Variants in ZSWIM5 observed in about 807,000 individuals in gnomAD.
ZSWIM5 encodes the protein zinc finger SWIM-type containing 5.
Under a neutral mutation model 119.6 loss-of-function variants are expected in ZSWIM5, and 55 were observed. The observed-to-expected ratio is 0.46, with a 90% CI of 0.37 to 0.58. The LOEUF (loss-of-function observed/expected upper bound fraction) is 0.58. Among genes scored for constraint, ZSWIM5 ranks in the 20% least tolerant of loss-of-function variants. The pLI, the probability that ZSWIM5 is intolerant of heterozygous loss-of-function variation, is 0.00. For missense variants in ZSWIM5, 1,193 were observed against 1,512.8 expected (o/e 0.79, Z 3.51); for synonymous variants, 537 against 606.9 (o/e 0.88, Z 1.69).
chr1:45,094,023 ATATTTATTTATTTATTTATTTATTTATT>A (rs66921356), intron 1 of ZSWIM5, among the ~76,000 whole-genome samples: 2 of 134,372 alleles, frequency 1.5e-5, no homozygotes, highest in South Asian at 2.5e-4. Context: ...TTTTATTTTT[ATATTTATTTATTTATTTATTTATTTATT>A]TATTTATTTA....
chr1:45,125,750 C>A (rs930275860), intron 1 of ZSWIM5, among the ~76,000 whole-genome samples: 85 of 136,372 alleles, frequency 6.2e-4, no homozygotes, highest in African/African-American at 2.4e-3. Flanking sequence ...CTAACAAAAG[C>A]AAAACTCCGT....
intron 1 of ZSWIM5, among the ~76,000 whole-genome samples, chr1:45,095,318 G>A (rs11211077): frequency 0.15 from 22,241 of 151,852 alleles, 2,040 homozygotes; most frequent in African/African-American, 0.25. Context: ...TAGAGATGGG[G>A]TCTCAATGTG....
chr1:45,049,103 C>T (rs965201122), intron 5 of ZSWIM5, among the ~76,000 whole-genome samples: 14 of 152,028 alleles, frequency 9.2e-5, no homozygotes, highest in African/African-American at 2.9e-4. Flanking sequence ...TTCACTCTAG[C>T]GTGGGTGACA....
intron 1 of ZSWIM5, among the ~76,000 whole-genome samples, chr1:45,141,223 T>C (rs1645724839): frequency 1.3e-5 from 2 of 152,332 alleles, no homozygotes; most frequent in South Asian, 4.1e-4. Flanking sequence ...GGTAGAGCAG[T>C]AGTTCTAAGA....
In ZSWIM5 at chr1:45,142,365, AT is replaced by A. The variant is rs554918259; in HGVS notation, c.596-54129del. On this transcript the variant is annotated intron_variant, in intron 1 of 13. Transcript: ENST00000359600. ...AATAGTCTTTTTGTTTTTTGTTGTTATTTTGAGTTAAGGTCTTACTCTGTCA... is the reference window on the plus strand; with the variant it reads ...AATAGTCTTTTTGTTTTTTGTTGTTATTTGAGTTAAGGTCTTACTCTGTCA... 7.4e-4 allele frequency among the ~76,000 whole-genome samples: 113 copies of A among 152,244 alleles called. 1 individual carries two copies. Among genetic ancestry groups the A allele is most frequent in the Non-Finnish European group, 1.0e-3 (70 of 67,996 alleles).
In ZSWIM5 at chr1:45,141,673, CG is replaced by C. The variant is rs113536615; in HGVS notation, c.596-53437del. Among the ~76,000 whole-genome samples, 7 of 152,040 alleles carry C rather than the reference CG, an allele frequency of 4.6e-5. No individual in the cohort carries two copies. In the South Asian group the frequency reaches 8.3e-4, roughly 18 times the overall value. On this transcript the variant is annotated intron_variant, in intron 1 of 13. Transcript: ENST00000359600. Reference sequence around the variant, plus strand: ...ATACAATGATATAGGTAGACTAAAACGATTAAAAGTTTAAACATGGAAAATA... The same window carrying C: ...ATACAATGATATAGGTAGACTAAAACATTAAAAGTTTAAACATGGAAAATA...
chr1:45,159,082 T>C (rs1480577483), intron 1 of ZSWIM5, among the ~76,000 whole-genome samples: 1 of 152,290 alleles, frequency 6.6e-6, no homozygotes, highest in Middle Eastern at 3.4e-3. Flanking sequence ...TCACCTCCTA[T>C]AGAGATTCAC....
chr1:45,077,383 G>A (rs1645261852), intron 2 of ZSWIM5, among the ~76,000 whole-genome samples: 2 of 152,118 alleles, frequency 1.3e-5, no homozygotes, highest in African/African-American at 4.8e-5. Context: ...GGTAGGATCC[G>A]TGATGCCCCA....
intron 2 of ZSWIM5, among the ~76,000 whole-genome samples, chr1:45,069,768 A>G (rs566513100): frequency 1.3e-5 from 2 of 152,216 alleles, no homozygotes; most frequent in African/African-American, 4.8e-5. Context: ...GTCAGCAGGA[A>G]AAAAAAATAC....
At position 45,036,219 on chromosome 1, in the gene ZSWIM5, A is replaced by T. The variant is rs1041667126; in HGVS notation, c.1975T>A (p.Ser659Thr). Residue 659 changes from serine (S) to threonine (T), a missense_variant, in exon 9 of 14, where the codon TCA (serine) becomes ACA (threonine). Physicochemically the swap from Ser to Thr is moderately conservative, Grantham distance 58. Around this residue, in one of 2 missense-constraint regions of ZSWIM5, gnomAD observed 961 missense variants for 1,290.0 expected, o/e 0.74. Coordinates refer to ENST00000359600, the MANE Select transcript of ZSWIM5 (RefSeq NM_020883.2). ...GSPNSSESYLSLALEVALMGL... is the reference protein window; with the variant it reads ...GSPNSSESYLTLALEVALMGL... ...ATCAGTGCAACTTCCAGGGCCAATG[A>T]CAGGTAGGACTCACTGCTGTTTGGG... is the stretch of plus-strand genomic sequence containing the variant. 1.9e-5 allele frequency: 30 copies of T among 1,614,012 alleles called. No homozygotes were observed. The highest frequency in any genetic ancestry group is 2.5e-5 in the Non-Finnish European group (29 of 1,180,044).
chr1:45,131,356 G>A (rs1645655305), intron 1 of ZSWIM5, among the ~76,000 whole-genome samples: 1 of 152,016 alleles, frequency 6.6e-6, no homozygotes, highest in South Asian at 2.1e-4. Flanking sequence ...TTATAAAGAT[G>A]AATAATATAT....
At chr1:45,135,518 G>A (rs976658553) in intron 1 of ZSWIM5, among the ~76,000 whole-genome samples, 1 of 152,136 alleles carries the variant, frequency 6.6e-6, no homozygotes, top group African/African-American at 2.4e-5. Flanking sequence ...CTTAGACTTC[G>A]TTATCTATGC....
chr1:45,158,507 C>T (rs1645844838), intron 1 of ZSWIM5, among the ~76,000 whole-genome samples: 1 of 152,168 alleles, frequency 6.6e-6, no homozygotes, highest in Non-Finnish European at 1.5e-5. Context: ...TACAGAACTC[C>T]TCTCCTTAAA....
chr1:45,086,149 C>G (rs561795469), intron 2 of ZSWIM5, among the ~76,000 whole-genome samples: 1 of 152,066 alleles, frequency 6.6e-6, no homozygotes, highest in Non-Finnish European at 1.5e-5. Context: ...TGGCTGGAGC[C>G]GGAGGAAGAG....
intron 1 of ZSWIM5, among the ~76,000 whole-genome samples, chr1:45,197,382 A>G (rs1003003145): frequency 2.0e-5 from 3 of 152,180 alleles, no homozygotes; most frequent in African/African-American, 7.2e-5. Context: ...CTAGAATTTC[A>G]TACATATGAA....
chr1:45,107,590 C>T (rs908469586), intron 1 of ZSWIM5, among the ~76,000 whole-genome samples: 1 of 142,074 alleles, frequency 7.0e-6, no homozygotes, highest in Non-Finnish European at 1.5e-5. Flanking sequence ...TGCAGTGAGC[C>T]GAGATCACAC....
intron 1 of ZSWIM5, among the ~76,000 whole-genome samples, chr1:45,146,066 A>T (rs1025736649): frequency 1.3e-5 from 2 of 152,238 alleles, no homozygotes; most frequent in African/African-American, 4.8e-5. Context: ...GATCTGGCAT[A>T]GTAAACACTT....
At chr1:45,115,778 C>A (rs1645553140) in intron 1 of ZSWIM5, among the ~76,000 whole-genome samples, 1 of 143,338 alleles carries the variant, frequency 7.0e-6, no homozygotes, top group Non-Finnish European at 1.5e-5. Flanking sequence ...GCTGGGCGGC[C>A]AGGCAGAGGG....
chr1:45,202,748 T>C (rs1380083368), intron 1 of ZSWIM5, among the ~76,000 whole-genome samples: 3 of 152,090 alleles, frequency 2.0e-5, no homozygotes, highest in African/African-American at 7.2e-5. Flanking sequence ...TTTCCTTCAA[T>C]CAATTCAGAT....
Sources: gnomAD v4.1 joint callset for allele counts (sites outside exome capture counted in the v4.1 genomes callset) on GRCh38, gnomAD v4.1.1 for gene constraint, gnomAD v4.1.1 regional missense constraint, MANE v1.5 for transcripts, NCBI Gene and HGNC (gene_info 2026-07-23, HGNC 2026-07-21) for gene names.